GAL3ST2: variants seen among roughly 807,000 people sequenced by gnomAD.
GAL3ST2 encodes the protein beta-galactose-3-O-sulfotransferase 2.
A neutral mutation model predicts 12.9 loss-of-function variants in GAL3ST2; 16 were observed. The ratio of observed to expected loss-of-function variants is 1.24; its 90% CI spans 0.84 to 1.88. GAL3ST2 has a LOEUF of 1.88. GAL3ST2 is among the 40% of genes most tolerant of loss of function. The probability of loss-of-function intolerance (pLI) is 0.00; values close to 1 mark genes in which losing one functional copy is unlikely to be tolerated. For missense variants in GAL3ST2, 639 were observed against 571.8 expected (o/e 1.12, Z -1.20); for synonymous variants, 302 against 273.9 (o/e 1.10, Z -1.01).
In GAL3ST2 at chr2:241,802,133, A is replaced by C; in HGVS notation, c.375+97A>C. 3.5e-6 allele frequency: 4 copies of C among 1,146,292 alleles called. No homozygotes were observed. Among genetic ancestry groups the C allele is most frequent in the Non-Finnish European group, 3.6e-6 (3 of 837,018 alleles). The allele number at this position is 1,146,292 out of a possible 1,614,324, so 71.0% of individuals were successfully genotyped here. The stretch of plus-strand genomic sequence containing the variant: ...CTGGAGGCTGGAGAGAAGGAGTGTA[A>C]GGCTTGGGGGCGGGGCGTGCAGAAG... On this transcript the variant is annotated intron_variant, in intron 3 of 3. Coordinates refer to ENST00000192314, the MANE Select transcript of GAL3ST2 (RefSeq NM_022134.3). This position sits in a 1 kb window ranked among gnomAD's most constrained non-coding sequence, Gnocchi z 4.8.
At chr2:241,783,458 A>G (rs769071616) in intron 1 of GAL3ST2, among the ~76,000 whole-genome samples, 2 of 151,956 alleles carry the variant, frequency 1.3e-5, no homozygotes, top group Non-Finnish European at 2.9e-5. Flanking sequence ...ATAACTTTCT[A>G]TCTTGTTTCG....
At position 241,802,010 on chromosome 2, in the gene GAL3ST2, A is replaced by G; in HGVS notation, c.349A>G (p.Asn117Asp). 6.2e-7 allele frequency: 1 copy of G among 1,612,260 alleles called. No homozygotes were observed. The highest frequency in any genetic ancestry group is 1.3e-5 in the African/African-American group (1 of 75,018). ...GCAGCAGCGCTTCAACATCATGTGCAACCACCTGAGGTTCAACCTGCCTCA... is the reference window on the plus strand; with the variant it reads ...GCAGCAGCGCTTCAACATCATGTGCGACCACCTGAGGTTCAACCTGCCTCA... ...GSQQRFNIMCNHLRFNLPQVQ... is the reference protein window; with the variant it reads ...GSQQRFNIMCDHLRFNLPQVQ... Residue 117 changes from asparagine (N) to aspartate (D), a missense_variant, in exon 3 of 4, where the codon AAC (asparagine) becomes GAC (aspartate). Physicochemically the swap from Asn to Asp is conservative, Grantham distance 23. Coordinates refer to ENST00000192314, the MANE Select transcript of GAL3ST2 (RefSeq NM_022134.3). The surrounding 1 kb of genome is among the most constrained non-coding windows in gnomAD (Gnocchi z 4.8).
intron 3 of GAL3ST2, among the ~76,000 whole-genome samples, chr2:241,803,103 T>C (rs1437899202): frequency 6.6e-6 from 1 of 152,196 alleles, no homozygotes; most frequent in Admixed American, 6.5e-5. Context: ...GGCCCCTTCC[T>C]GGCGTCCTTG....
At chr2:241,782,786 G>A (rs1699581094) in intron 1 of GAL3ST2, among the ~76,000 whole-genome samples, 1 of 152,160 alleles carries the variant, frequency 6.6e-6, no homozygotes, top group South Asian at 2.1e-4. Context: ...GTAATTCAGT[G>A]TCACAAGTAC....
rs368154054 is a variant in GAL3ST2 at position 241,778,809 on chromosome 2, C to T, written c.29+1825C>T. Among the ~76,000 whole-genome samples, 272 of 152,160 alleles carry T rather than the reference C, an allele frequency of 1.8e-3. 3 individuals are homozygous for T. The highest frequency in any genetic ancestry group is 6.2e-3 in the East Asian group (32 of 5,178). The stretch of plus-strand genomic sequence containing the variant: ...ATTGGTTCGGTCTGGAGAGGCAGGA[C>T]GGCTCGAAGCAAAGGCAGGAAGACT... On this transcript the variant is annotated intron_variant, in intron 1 of 3. Coordinates refer to ENST00000192314, the MANE Select transcript of GAL3ST2 (RefSeq NM_022134.3).
intron 1 of GAL3ST2, among the ~76,000 whole-genome samples, chr2:241,785,604 G>C (rs1699618700): frequency 6.6e-6 from 1 of 151,540 alleles, no homozygotes; most frequent in South Asian, 2.1e-4. Flanking sequence ...ACACATTTGG[G>C]GTTCCATGGG....
chr2:241,803,431 C>A lies in GAL3ST2; in HGVS notation c.462C>A (p.Tyr154Ter). Residue 154 changes from tyrosine (Y) to a stop codon, truncating the protein, a stop_gained, in exon 4 of 4, where the codon TAC (tyrosine) becomes TAA (stop). Transcript: ENST00000192314. LOFTEE classifies it low-confidence loss of function (END_TRUNC). ...VFQLESSFIY[Y>*]KTYAPAFRGA... ...AGCTGGAGTCCTCCTTCATCTACTACAAAACCTACGCCCCCGCCTTCCGGG... is the reference window on the plus strand; with the variant it reads ...AGCTGGAGTCCTCCTTCATCTACTAAAAAACCTACGCCCCCGCCTTCCGGG... 6.2e-7 allele frequency: 1 copy of A among 1,612,614 alleles called. No individual in the cohort carries two copies. Among genetic ancestry groups the A allele is most frequent in the South Asian group, 1.1e-5 (1 of 90,886 alleles).
At chr2:241,778,782 A>G (rs1699525133) in intron 1 of GAL3ST2, among the ~76,000 whole-genome samples, 1 of 152,134 alleles carries the variant, frequency 6.6e-6, no homozygotes, top group Non-Finnish European at 1.5e-5. Context: ...TGCAGGACGA[A>G]CATTGGTTCG....
chr2:241,778,904 G>A (rs1699527949), intron 1 of GAL3ST2, among the ~76,000 whole-genome samples: 1 of 152,126 alleles, frequency 6.6e-6, no homozygotes. Context: ...TTGAGTTTCT[G>A]ATGAGCCTCT....
rs111464686 is a variant in GAL3ST2 at position 241,779,117 on chromosome 2, G to A, written c.29+2133G>A. 7.2e-3 allele frequency among the ~76,000 whole-genome samples: 1,047 copies of A among 145,492 alleles called. 24 individuals carry two copies. The highest frequency in any genetic ancestry group is 0.025 in the African/African-American group (977 of 39,754). ...TTGGAGAAAGCTCTCCAAGATTTTA[G>A]AAGAAAATGAGTCTCTGGTCCCAGG... is the stretch of plus-strand genomic sequence containing the variant. On this transcript the variant is annotated intron_variant, in intron 1 of 3. Transcript: ENST00000192314.
intron 3 of GAL3ST2, 57 bp from the exon 4 acceptor site, chr2:241,803,288 G>A (rs1699880478): frequency 6.9e-7 from 1 of 1,440,578 alleles, no homozygotes. Flanking sequence ...CTCCCCGCGG[G>A]TGGGCCACCC....
At chr2:241,798,336 T>C (rs966076784) in intron 1 of GAL3ST2, among the ~76,000 whole-genome samples, 2 of 152,180 alleles carry the variant, frequency 1.3e-5, no homozygotes, top group Non-Finnish European at 2.9e-5. Context: ...GCAGCAGACA[T>C]GTGCTTCTCA....
intron 1 of GAL3ST2, among the ~76,000 whole-genome samples, chr2:241,784,567 G>A (rs1196976368): frequency 1.3e-5 from 2 of 152,214 alleles, no homozygotes; most frequent in African/African-American, 2.4e-5. Context: ...TTTGACTTAA[G>A]TGGTGTGAAC....
At chr2:241,786,500 A>C (rs1193284479) in intron 1 of GAL3ST2, among the ~76,000 whole-genome samples, 1 of 152,154 alleles carries the variant, frequency 6.6e-6, no homozygotes, top group Non-Finnish European at 1.5e-5. Context: ...GAAAAAAAGA[A>C]AACCTCATCT....
chr2:241,788,451 C>T (rs1051595961), intron 1 of GAL3ST2, among the ~76,000 whole-genome samples: 1 of 152,032 alleles, frequency 6.6e-6, no homozygotes, highest in African/African-American at 2.4e-5. Flanking sequence ...TTTGAAGATG[C>T]ATTCTAAAGG....
At position 241,791,724 on chromosome 2, in the gene GAL3ST2, C is replaced by T. The variant is rs908829897; in HGVS notation, c.30-7341C>T. 2.0e-5 allele frequency among the ~76,000 whole-genome samples: 3 copies of T among 152,286 alleles called. No individual in the cohort carries two copies. In the South Asian group the frequency reaches 6.2e-4, roughly 32 times the overall value. On this transcript the variant is annotated intron_variant, in intron 1 of 3. Coordinates refer to ENST00000192314, the MANE Select transcript of GAL3ST2 (RefSeq NM_022134.3). ...CCTATGTAAAAAGTAATTATTCTTG[C>T]TGCACTGTATACAAATAATTAGGCC...
intron 1 of GAL3ST2, among the ~76,000 whole-genome samples, chr2:241,779,304 G>A (rs1575360235): frequency 7.8e-6 from 1 of 128,474 alleles, no homozygotes; most frequent in Admixed American, 1.0e-4. Context: ...AGCGATCTCG[G>A]CTCACTGCAA....
Position 241,800,322 on chromosome 2 carries a change from G to C in GAL3ST2, c.119+1168G>C, listed in dbSNP as rs1439125111. ...GGAGCACAGCCGCCGACCCAGGCTG[G>C]GAGCACAGCCGCCGACCCAGGCTGG... On this transcript the variant is annotated intron_variant, in intron 2 of 3. Coordinates refer to ENST00000192314, the MANE Select transcript of GAL3ST2 (RefSeq NM_022134.3). This position sits in a 1 kb window ranked among gnomAD's most constrained non-coding sequence, Gnocchi z 5.2. Among the ~76,000 whole-genome samples the C allele has an allele frequency of 6.6e-6, 1 of 151,652 alleles. No homozygotes were observed. Among genetic ancestry groups the C allele is most frequent in the East Asian group, 1.9e-4 (1 of 5,184 alleles).
At chr2:241,784,404 C>A (rs1261902454) in intron 1 of GAL3ST2, among the ~76,000 whole-genome samples, 2 of 152,106 alleles carry the variant, frequency 1.3e-5, no homozygotes, top group Admixed American at 1.3e-4. Context: ...AGTTTTGCAA[C>A]CCCTATGCCA....
Sources: gnomAD v4.1 joint callset for allele counts (sites outside exome capture counted in the v4.1 genomes callset) on GRCh38, gnomAD v4.1.1 for gene constraint, Gnocchi (gnomAD v3.1) non-coding constraint, MANE v1.5 for transcripts, NCBI Gene and HGNC (gene_info 2026-07-23, HGNC 2026-07-21) for gene names.